SLC6A7: variants seen among roughly 807,000 people sequenced by gnomAD.
SLC6A7 encodes the protein sodium-dependent proline transporter.
Under a neutral mutation model 73.1 loss-of-function variants are expected in SLC6A7, and 58 were observed. That is an observed-to-expected ratio of 0.79 (90% CI 0.64 to 0.99). The LOEUF (loss-of-function observed/expected upper bound fraction) is 0.99. SLC6A7 is among the 50% of genes least tolerant of loss of function. SLC6A7 has a pLI of 0.00. For missense variants in SLC6A7, 783 were observed against 831.4 expected (o/e 0.94, Z 0.72); for synonymous variants, 338 against 338.7 (o/e 1.00, Z 0.02).
rs199983362 is a variant in SLC6A7, at chr5:150,202,312, C to T, written c.859-35C>T. 8.2e-4 allele frequency: 1,182 copies of T among 1,443,002 alleles called. 14 individuals are homozygous for T. The highest frequency in any genetic ancestry group is 4.3e-3 in the South Asian group (378 of 87,356). 89.4% of individuals were successfully genotyped at this position (1,443,002 alleles called of 1,614,324 possible). ...GCCTTCCTTCTCTGTCCTTGACCAT[C>T]CGCACACCCTCCCTTTCCATCCTTC... On this transcript the variant is annotated intron_variant, in intron 6 of 13. Transcript: ENST00000230671.
chr5:150,207,204 G>A (rs575447850), intron 13 of SLC6A7, among the ~76,000 whole-genome samples: 25 of 152,290 alleles, frequency 1.6e-4, no homozygotes, highest in Admixed American at 4.6e-4. Flanking sequence ...AGGCTGGAGT[G>A]CAGTGCAGTG....
chr5:150,197,087 A>G lies in SLC6A7; in HGVS notation c.395A>G (p.Tyr132Cys), dbSNP rs762027142. The G allele has an allele frequency of 6.8e-6, 11 of 1,614,104 alleles. No homozygotes were observed. The South Asian group carries it at 1.2e-4, about 18-fold the overall frequency. Residue 132 changes from tyrosine (Y) to cysteine (C), a missense_variant, in exon 4 of 14, where the codon TAC becomes TGC. Transcript: ENST00000230671. ...CTCATCGTGGGCTTGGTGGCCATCT[A>G]CTACAACATGATCATCGCCTACGTG... is the stretch of plus-strand genomic sequence containing the variant. ...MLLIVGLVAI[Y>C]YNMIIAYVLF...
At chr5:150,201,011 T>G in intron 5 of SLC6A7, 78 bp from the exon 6 acceptor site, 1 of 1,517,244 alleles carries the variant, frequency 6.6e-7, no homozygotes, top group Non-Finnish European at 9.1e-7. Flanking sequence ...GGGAGGCAAG[T>G]GACACAGATG....
chr5:150,196,002 G>T (rs1753001470), intron 2 of SLC6A7, among the ~76,000 whole-genome samples: 1 of 152,210 alleles, frequency 6.6e-6, no homozygotes, highest in African/African-American at 2.4e-5. Flanking sequence ...CCTCCAATGG[G>T]TTTAGCAACC....
intron 13 of SLC6A7, among the ~76,000 whole-genome samples, chr5:150,209,059 C>T (rs1753835277): frequency 6.6e-6 from 1 of 152,244 alleles, no homozygotes; most frequent in Non-Finnish European, 1.5e-5. Context: ...ACTTCCCAGG[C>T]CTTACCCTGT....
intron 1 of SLC6A7, among the ~76,000 whole-genome samples, chr5:150,192,797 C>T (rs1290818424): frequency 2.0e-5 from 3 of 152,216 alleles, no homozygotes; most frequent in African/African-American, 7.2e-5. Context: ...ATCAGAGGAT[C>T]CTCATTACTG....
Position 150,209,621 on chromosome 5 carries a change from G to A in SLC6A7, c.*6G>A. 6.3e-7 allele frequency: 1 copy of A among 1,585,530 alleles called. No homozygotes were observed. The highest frequency in any genetic ancestry group is 1.8e-5 in the Admixed American group (1 of 54,960). On this transcript the variant is annotated 3_prime_UTR_variant, in exon 14 of 14. Transcript: ENST00000230671. ...AGGAGGAGTCGATGATGTGAGGCAG[G>A]AGGCAGGCGGGCAGAAGGCCCTGCC...
intron 11 of SLC6A7, 83 bp downstream of exon 11, chr5:150,204,714 T>A (rs1753588911): frequency 2.2e-6 from 3 of 1,354,124 alleles, no homozygotes; most frequent in Non-Finnish European, 3.2e-6. Context: ...AGTACCTGGG[T>A]CCCTGGTCCC....
chr5:150,209,753 G>A lies in SLC6A7; in HGVS notation c.*138G>A. 5.7e-6 allele frequency: 4 copies of A among 700,228 alleles called. 1 individual carries two copies. In the South Asian group the frequency reaches 7.0e-5, roughly 12 times the overall value. The allele number at this position is 700,228 out of a possible 1,614,324, so 43.4% of individuals were successfully genotyped here. ...CCATAGGGATGCCAGTCCCCCAGTGGGGGTCCCTTCTGCAGCCTCTGCCTC... is the reference window on the plus strand; with the variant it reads ...CCATAGGGATGCCAGTCCCCCAGTGAGGGTCCCTTCTGCAGCCTCTGCCTC... On this transcript the variant is annotated 3_prime_UTR_variant, in exon 14 of 14. Coordinates refer to ENST00000230671, the MANE Select transcript of SLC6A7 (RefSeq NM_014228.5).
intron 4 of SLC6A7, among the ~76,000 whole-genome samples, chr5:150,198,123 A>AAGAAAG (rs1753171977): frequency 7.1e-6 from 1 of 140,730 alleles, no homozygotes; most frequent in African/African-American, 2.7e-5. Context: ...AAGAGAAAGA[A>AAGAAAG]AGAAAGAAAG....
intron 1 of SLC6A7, among the ~76,000 whole-genome samples, chr5:150,194,212 G>A (rs937121226): frequency 4.6e-5 from 7 of 152,160 alleles, no homozygotes; most frequent in South Asian, 2.1e-4. Flanking sequence ...GGTGGATCAC[G>A]AGGTCAGGAG....
At chr5:150,201,311 G>GGGA in intron 6 of SLC6A7, 88 bp downstream of exon 6, 1 of 936,082 alleles carries the variant, frequency 1.1e-6, no homozygotes, top group Non-Finnish European at 1.6e-6. Flanking sequence ...CGCAGTACCA[G>GGGA]GCACTCTGCT....
chr5:150,202,280 A>G, intron 6 of SLC6A7, 67 bp from the exon 7 acceptor site: 1 of 1,106,660 alleles, frequency 9.0e-7, no homozygotes, highest in Non-Finnish European at 1.4e-6. Flanking sequence ...CACCATCTTC[A>G]TTCACTGCCT....
rs142379630 is a variant in SLC6A7, at chr5:150,202,607, G to T, written c.991G>T (p.Ala331Ser). ...CACTTTCATCGTCACTCTGGGCAAC[G>T]CCATCACCAGCATCCTGGCTGGCTT... ...RDTFIVTLGN[A>S]ITSILAGFAI... Residue 331 changes from alanine to serine, a missense_variant, in exon 8 of 14, where the codon GCC becomes TCC. Physicochemically the swap from Ala to Ser is moderately conservative, Grantham distance 99 (BLOSUM62 1). Transcript: ENST00000230671. 6.2e-7 allele frequency: 1 copy of T among 1,614,166 alleles called. No homozygotes were observed. Among genetic ancestry groups the T allele is most frequent in the Non-Finnish European group, 8.5e-7 (1 of 1,180,014 alleles).
chr5:150,197,805 C>T (rs1052652089), intron 4 of SLC6A7, among the ~76,000 whole-genome samples: 4 of 152,046 alleles, frequency 2.6e-5, no homozygotes, highest in African/African-American at 9.7e-5. Context: ...AAGGCCAGGA[C>T]GTACATAGTA....
intron 4 of SLC6A7, among the ~76,000 whole-genome samples, chr5:150,198,052 AAAG>A (rs1562084809): frequency 1.1e-4 from 4 of 35,826 alleles, no homozygotes; most frequent in East Asian, 6.9e-4. Context: ...GAAGAAAGAG[AAAG>A]AAAGAAAGAA....
intron 10 of SLC6A7, 146 bp from the exon 11 acceptor site, chr5:150,204,386 A>G: frequency 1.4e-6 from 1 of 709,434 alleles, no homozygotes; most frequent in South Asian, 1.7e-5. Flanking sequence ...GACAAGGCCT[A>G]GAAGGGCTGG....
intron 4 of SLC6A7, among the ~76,000 whole-genome samples, chr5:150,197,551 T>C (rs1411266375): frequency 6.6e-6 from 1 of 152,212 alleles, no homozygotes; most frequent in Non-Finnish European, 1.5e-5. Flanking sequence ...AAAGCATATA[T>C]TAATAAATTG....
chr5:150,198,107 G>GA (rs753064911), intron 4 of SLC6A7, among the ~76,000 whole-genome samples: 4 of 101,384 alleles, frequency 3.9e-5, no homozygotes, highest in African/African-American at 1.6e-4. Context: ...AAGAAAGAAA[G>GA]AAAGAAAGAG....
Sources: gnomAD v4.1 joint callset for allele counts (sites outside exome capture counted in the v4.1 genomes callset) on GRCh38, gnomAD v4.1.1 for gene constraint, MANE v1.5 for transcripts, NCBI Gene and HGNC (gene_info 2026-07-23, HGNC 2026-07-21) for gene names.